Variants in SH3D19 observed in about 807,000 individuals in gnomAD.
SH3D19 encodes the protein SH3 domain containing 19.
SH3D19 carries 58 observed loss-of-function variants against 112.1 expected under a neutral mutation model. That is an observed-to-expected ratio of 0.52 (90% confidence interval 0.42 to 0.64). SH3D19 has a LOEUF of 0.64. SH3D19 is among the 30% of genes least tolerant of loss of function. SH3D19 has a pLI of 0.00. For missense variants in SH3D19, 1,090 were observed against 1,263.4 expected (o/e 0.86, Z 2.08); for synonymous variants, 391 against 448.5 (o/e 0.87, Z 1.62).
chr4:151,227,800 T>C (rs1769237432), intron 1 of SH3D19: 2 of 985,358 alleles, frequency 2.0e-6, no homozygotes, highest in South Asian at 4.7e-5. Flanking sequence ...CAGAACATCA[T>C]TTCCTGTGGC....
intron 3 of SH3D19, among the ~76,000 whole-genome samples, chr4:151,181,140 T>A (rs966618881): frequency 2.6e-5 from 4 of 152,146 alleles, no homozygotes; most frequent in African/African-American, 9.7e-5. Flanking sequence ...AATACTATAG[T>A]GTAAAGATCT....
At chr4:151,143,630 G>GTT (rs147388425) in intron 12 of SH3D19, among the ~76,000 whole-genome samples, 103 of 148,182 alleles carry the variant, frequency 7.0e-4, no homozygotes, top group African/African-American at 2.4e-3. Context: ...TTTTTTATTT[G>GTT]TTTTTTTTTT....
intron 1 of SH3D19, among the ~76,000 whole-genome samples, chr4:151,302,087 T>C (rs907230159): frequency 1.3e-5 from 2 of 152,176 alleles, no homozygotes; most frequent in Admixed American, 6.5e-5. Context: ...AGGTACCATG[T>C]AACTTGCAGG....
At chr4:151,164,964 T>C (rs971316228) in intron 8 of SH3D19, among the ~76,000 whole-genome samples, 1 of 152,254 alleles carries the variant, frequency 6.6e-6, no homozygotes, top group African/African-American at 2.4e-5. Flanking sequence ...TTTGAGATTA[T>C]GCTGATTGCA....
intron 1 of SH3D19, among the ~76,000 whole-genome samples, chr4:151,231,782 C>T (rs1430887713): frequency 1.3e-5 from 2 of 152,074 alleles, no homozygotes; most frequent in African/African-American, 2.4e-5. Context: ...ATAGTGACAT[C>T]GTTCATTAAT....
Position 151,147,936 on chromosome 4 carries a change from A to G in SH3D19, c.2068T>C (p.Tyr690His). ...PPRPKPGHPLYSKYMRGDVLV... is the reference protein window; with the variant it reads ...PPRPKPGHPLHSKYMRGDVLV... ...GCTAAATTTACCATGTATTTACTGT[A>G]GAGAGGGTGTCCTGGTTTGGGACGA... The change falls in exon 11 of 20, where the codon TAC becomes CAC. Residue 690 changes from tyrosine to histidine, a missense_variant. Transcript: ENST00000604030. The G allele has an allele frequency of 6.2e-7, 1 of 1,611,504 alleles. No individual in the cohort carries two copies.
chr4:151,286,387 A>G (rs1317631540), intron 1 of SH3D19, among the ~76,000 whole-genome samples: 4 of 151,262 alleles, frequency 2.6e-5, no homozygotes, highest in African/African-American at 9.7e-5. Flanking sequence ...TGAAATTACT[A>G]AAGTTAAAAA....
intron 1 of SH3D19, among the ~76,000 whole-genome samples, chr4:151,259,955 A>G (rs1250124040): frequency 6.6e-6 from 1 of 152,052 alleles, no homozygotes; most frequent in East Asian, 1.9e-4. Context: ...GCATGCCTAC[A>G]CCTCATACCA....
At chr4:151,152,519 T>TC (rs1755239723) in intron 9 of SH3D19, among the ~76,000 whole-genome samples, 1 of 148,670 alleles carries the variant, frequency 6.7e-6, no homozygotes, top group African/African-American at 2.5e-5. Context: ...TCTCTCTCTT[T>TC]TTTTTTTTTT....
intron 1 of SH3D19, among the ~76,000 whole-genome samples, chr4:151,247,833 G>A (rs1161644342): frequency 2.0e-5 from 3 of 152,172 alleles, no homozygotes; most frequent in Non-Finnish European, 4.4e-5. Flanking sequence ...TTTAAGAATT[G>A]AATGTGGTAC....
chr4:151,225,341 T>C lies in SH3D19; in HGVS notation c.152+706A>G, dbSNP rs182270423. ...AGTACTGGGTTACAAATATTAAATATAGCCTGTCAGTCCTGCCTATGAGAA... is the reference window on the plus strand; with the variant it reads ...AGTACTGGGTTACAAATATTAAATACAGCCTGTCAGTCCTGCCTATGAGAA... On this transcript the variant is annotated intron_variant, in intron 2 of 19. Coordinates refer to ENST00000604030, the MANE Select transcript of SH3D19 (RefSeq NM_001378122.1). Among the ~76,000 whole-genome samples the C allele has an allele frequency of 3.1e-3, 478 of 152,316 alleles. 21 individuals carry two copies. The highest frequency in any genetic ancestry group is 0.029 in the Admixed American group (448 of 15,308).
rs540859000 is a variant in SH3D19 at position 151,181,986 on chromosome 4, T to G, written c.194-2589A>C. Among the ~76,000 whole-genome samples the G allele has an allele frequency of 1.4e-3, 193 of 138,214 alleles. 1 individual carries two copies. The highest frequency in any genetic ancestry group is 2.6e-3 in the Non-Finnish European group (164 of 63,856). 90.7% of individuals were successfully genotyped at this position (138,214 alleles called of 152,430 possible). On this transcript the variant is annotated intron_variant, in intron 3 of 19. Transcript: ENST00000604030. ...CCAGTTGAAAAACCCGCTTGTAGGG[T>G]TTTTTTTTTTTTATTTTTTTGAGAC...
intron 1 of SH3D19, among the ~76,000 whole-genome samples, chr4:151,248,212 C>T (rs755521393): frequency 1.6e-4 from 24 of 152,128 alleles, no homozygotes; most frequent in Non-Finnish European, 2.6e-4. Context: ...AACCCTCCTG[C>T]CTCAACCTCC....
Position 151,179,367 on chromosome 4 carries a change from T to A in SH3D19, c.224A>T (p.His75Leu). The change falls in exon 4 of 20, where the codon CAT becomes CTT. Residue 75 changes from histidine (H) to leucine (L), a missense_variant. His to Leu is a moderately conservative substitution (Grantham distance 99, BLOSUM62 -3). Transcript: ENST00000604030. ...AATATAACCATACCTTCTATCTCGA[T>A]GAAGTTCACTCTGAATAGAAGTCCG... ...SSRTSIQSEL[H>L]RDRRRPEITI... 1.6e-6 allele frequency: 2 copies of A among 1,229,416 alleles called. No individual in the cohort carries two copies. The highest frequency in any genetic ancestry group is 2.0e-6 in the Non-Finnish European group (2 of 985,718). 76.2% of individuals were successfully genotyped at this position (1,229,416 alleles called of 1,614,324 possible). A position where few individuals can be genotyped will look rare whatever the true frequency, so the allele number is the denominator to read the frequency against.
chr4:151,180,935 T>TTC (rs1401602785), intron 3 of SH3D19, among the ~76,000 whole-genome samples: 1 of 143,814 alleles, frequency 7.0e-6, no homozygotes, highest in East Asian at 2.1e-4. Context: ...GGCTATTTTT[T>TTC]TTTTTTTTTT....
intron 2 of SH3D19, among the ~76,000 whole-genome samples, chr4:151,203,149 G>A (rs890791835): frequency 1.3e-5 from 2 of 152,040 alleles, no homozygotes; most frequent in Non-Finnish European, 2.9e-5. Flanking sequence ...AACACCAAAG[G>A]TCTGAAAAAG....
intron 1 of SH3D19, among the ~76,000 whole-genome samples, chr4:151,316,525 CTAT>C (rs1729997578): frequency 6.6e-6 from 1 of 151,936 alleles, no homozygotes; most frequent in Non-Finnish European, 1.5e-5. Context: ...GCTCTTTGTA[CTAT>C]CTTCACAATT....
At chr4:151,202,907 G>T (rs1438928770) in intron 2 of SH3D19, among the ~76,000 whole-genome samples, 1 of 152,142 alleles carries the variant, frequency 6.6e-6, no homozygotes, top group African/African-American at 2.4e-5. Context: ...TAAAACTGGG[G>T]CTTCAATTTT....
rs1306262639 is a variant in SH3D19 at position 151,144,043 on chromosome 4, T to A, written c.2090A>T (p.Asp697Val). The A allele has an allele frequency of 6.2e-7, 1 of 1,613,526 alleles. No homozygotes were observed. The highest frequency in any genetic ancestry group is 8.5e-7 in the Non-Finnish European group (1 of 1,179,872). The change falls in exon 12 of 20, where the codon GAT (aspartate) becomes GTT (valine). Residue 697 changes from aspartate to valine, a missense_variant. By Grantham distance (152) the Asp-to-Val change is radical (BLOSUM62 -3). Coordinates refer to ENST00000604030, the MANE Select transcript of SH3D19 (RefSeq NM_001378122.1). Reference sequence around the variant, plus strand: ...CGTCTGCTTCAGCATCACAAGTACATCCCCACGCTGCAAGGTACAATACCA... The same window carrying A: ...CGTCTGCTTCAGCATCACAAGTACAACCCCACGCTGCAAGGTACAATACCA... ...HPLYSKYMRG[D>V]VLVMLKQTEN...
Sources: gnomAD v4.1 joint callset for allele counts (sites outside exome capture counted in the v4.1 genomes callset) on GRCh38, gnomAD v4.1.1 for gene constraint, MANE v1.5 for transcripts, NCBI Gene and HGNC (gene_info 2026-07-23, HGNC 2026-07-21) for gene names.